AP1S3: variants seen among roughly 807,000 people sequenced by gnomAD.
The protein encoded by AP1S3 is adaptor related protein complex 1 subunit sigma 3.
A neutral mutation model predicts 20.9 loss-of-function variants in AP1S3; 10 were observed. The observed-to-expected ratio is 0.48, with a 90% confidence interval of 0.29 to 0.81. The LOEUF is 0.81. AP1S3 is among the 30% of genes least tolerant of loss of function. The pLI, the probability that AP1S3 is intolerant of heterozygous loss-of-function variation, is 0.08. For synonymous variants in AP1S3, 41 were observed against 61.5 expected, an observed-to-expected ratio of 0.67 and a Z score of 1.56; for missense variants, 154 against 183.8, an observed-to-expected ratio of 0.84 and a Z score of 0.94.
chr2:223,797,888 TGATAGCTGG>T (rs1691381576), intron 1 of AP1S3, among the ~76,000 whole-genome samples: 2 of 152,364 alleles, frequency 1.3e-5, no homozygotes, highest in Admixed American at 1.3e-4. Context: ...CTGAATCAGA[TGATAGCTGG>T]AGTCCCTCAT....
chr2:223,791,429 A>C (rs1258752095), intron 1 of AP1S3, among the ~76,000 whole-genome samples: 1 of 152,178 alleles, frequency 6.6e-6, no homozygotes, highest in East Asian at 1.9e-4. Flanking sequence ...ATGAAGACAA[A>C]AACCACATGA....
intron 3 of AP1S3, among the ~76,000 whole-genome samples, chr2:223,765,773 C>G (rs1415969013): frequency 1.3e-5 from 2 of 152,144 alleles, no homozygotes; most frequent in African/African-American, 4.8e-5. Context: ...GGAAAATTAG[C>G]TCAACTGTGC....
At chr2:223,779,474 G>T (rs569991053) in intron 1 of AP1S3, among the ~76,000 whole-genome samples, 21 of 152,220 alleles carry the variant, frequency 1.4e-4, no homozygotes, top group Admixed American at 1.2e-3. Context: ...TTGTCAGATG[G>T]CCTAATCTTT....
intron 3 of AP1S3, chr2:223,770,285 A>G (rs1690587425): frequency 6.4e-7 from 1 of 1,550,596 alleles, no homozygotes; most frequent in Non-Finnish European, 8.7e-7. Context: ...GGAATCCAAG[A>G]CAGACAGGAG....
rs182257299 is a variant in AP1S3, at chr2:223,758,858, T to C, written c.430-108A>G. On this transcript the variant is annotated intron_variant, in intron 4 of 4. Transcript: ENST00000396654. Reference sequence around the variant, plus strand: ...TTTATTTGCCATTGTTGAAAACAAGTTGTCAAAAGGATACATGGATATAAA... The same window carrying C: ...TTTATTTGCCATTGTTGAAAACAAGCTGTCAAAAGGATACATGGATATAAA... 7 of 971,776 alleles carry C rather than the reference T, an allele frequency of 7.2e-6. No individual in the cohort carries two copies. The African/African-American group carries it at 8.3e-5, about 12-fold the overall frequency. 60.2% of individuals were successfully genotyped at this position (971,776 alleles called of 1,614,324 possible).
At chr2:223,775,784 C>G (rs550339366) in intron 3 of AP1S3, 117 bp downstream of exon 3, 3 of 762,492 alleles carry the variant, frequency 3.9e-6, no homozygotes, top group South Asian at 3.6e-5. Context: ...ATCTTCGGTT[C>G]AAGTTCAATT....
At chr2:223,780,308 T>TATATAG (rs1690902266) in intron 1 of AP1S3, among the ~76,000 whole-genome samples, 1 of 62,040 alleles carries the variant, frequency 1.6e-5, no homozygotes, top group Non-Finnish European at 2.8e-5. Context: ...TATATATATA[T>TATATAG]AGAGAGAGAG....
At chr2:223,764,917 A>C (rs532992853) in intron 4 of AP1S3, among the ~76,000 whole-genome samples, 6 of 152,308 alleles carry the variant, frequency 3.9e-5, no homozygotes, top group Admixed American at 3.9e-4. Flanking sequence ...CCTGGGTTCA[A>C]ATCTCTATGC....
chr2:223,775,083 C>T (rs1690752557), intron 3 of AP1S3, among the ~76,000 whole-genome samples: 1 of 151,230 alleles, frequency 6.6e-6, no homozygotes, highest in Non-Finnish European at 1.5e-5. Context: ...AGCAAGGGTC[C>T]AGTGCTGCAG....
intron 1 of AP1S3, among the ~76,000 whole-genome samples, chr2:223,816,308 C>T (rs1691842254): frequency 2.7e-5 from 4 of 149,200 alleles, no homozygotes; most frequent in Admixed American, 6.8e-5. Flanking sequence ...AGATAGTGGG[C>T]AATTATTCCT....
At position 223,765,348 on chromosome 2, in the gene AP1S3, G is replaced by A; in HGVS notation, c.294C>T (p.Val98=). Residue 98 remains valine (V), a splice_region_variant and synonymous_variant, in exon 4 of 5, where the codon GTC becomes GTT. Coordinates refer to ENST00000396654, the MANE Select transcript of AP1S3 (RefSeq NM_001039569.2). The part of the protein sequence containing the change: ...VELLDKYFGN[V]CELDIIFNFE... ...AATTAAAGATAATATCCAGCTCACA[G>A]ACCTGGTGGGACAAAAACAAACGTT... The A allele has an allele frequency of 6.2e-7, 1 of 1,604,878 alleles. No homozygotes were observed. The highest frequency in any genetic ancestry group is 8.5e-7 in the Non-Finnish European group (1 of 1,177,298).
At chr2:223,820,078 C>T (rs1047551772) in intron 1 of AP1S3, among the ~76,000 whole-genome samples, 1 of 152,110 alleles carries the variant, frequency 6.6e-6, no homozygotes, top group African/African-American at 2.4e-5. Flanking sequence ...CTCCAGAATT[C>T]CTTTCTATTG....
chr2:223,792,819 C>T (rs965311164), intron 1 of AP1S3, among the ~76,000 whole-genome samples: 1 of 152,144 alleles, frequency 6.6e-6, no homozygotes, highest in Non-Finnish European at 1.5e-5. Context: ...GCAATCTAGT[C>T]ATCTGACAAA....
chr2:223,779,705 C>T (rs139515411), intron 1 of AP1S3, among the ~76,000 whole-genome samples: 435 of 152,172 alleles, frequency 2.9e-3, no homozygotes, highest in African/African-American at 0.01. Flanking sequence ...TGGTGGCTCA[C>T]GCCTGTAATC....
At chr2:223,824,372 A>T (rs1040742212) in intron 1 of AP1S3, among the ~76,000 whole-genome samples, 22 of 152,170 alleles carry the variant, frequency 1.4e-4, no homozygotes, top group Non-Finnish European at 3.2e-4. Flanking sequence ...TCAGAGACAA[A>T]AGACATACAC....
At chr2:223,773,414 T>C in intron 3 of AP1S3, 1 of 1,267,408 alleles carries the variant, frequency 7.9e-7, no homozygotes, top group Non-Finnish European at 1.0e-6. Context: ...TAGAAAGTAT[T>C]AAATAATATG....
chr2:223,818,509 C>A (rs1691910545), intron 1 of AP1S3, among the ~76,000 whole-genome samples: 1 of 151,292 alleles, frequency 6.6e-6, no homozygotes, highest in South Asian at 2.1e-4. Context: ...AAAAATTTTG[C>A]AGTTATAAGC....
chr2:223,780,296 TATATATATATATAGAG>T (rs1238584154), intron 1 of AP1S3, among the ~76,000 whole-genome samples: 41 of 50,340 alleles, frequency 8.1e-4, no homozygotes, highest in African/African-American at 2.3e-3. Flanking sequence ...TATATATATA[TATATATATATATAGAG>T]AGAGAGAGAG....
At chr2:223,809,671 TCTTA>T (rs555265366) in intron 1 of AP1S3, among the ~76,000 whole-genome samples, 58 of 151,500 alleles carry the variant, frequency 3.8e-4, no homozygotes, top group African/African-American at 1.3e-3. Flanking sequence ...AAAAACTCCT[TCTTA>T]CTTAGTAAGG....
Sources: allele counts gnomAD v4.1 joint callset (sites outside exome capture counted in the v4.1 genomes callset), GRCh38; gene constraint gnomAD v4.1.1; transcripts MANE v1.5; gene names NCBI Gene and HGNC (gene_info 2026-07-23, HGNC 2026-07-21).